The following RUNDC3B variants were observed in gnomAD, a reference collection of about 807,000 sequenced individuals.
RUNDC3B encodes the protein RUN domain-containing protein 3B.
Under a neutral mutation model 58.4 loss-of-function variants are expected in RUNDC3B, and 33 were observed. That is an observed-to-expected ratio of 0.56 (90% confidence interval 0.43 to 0.75). The LOEUF is 0.75. Ranked by LOEUF, RUNDC3B falls within the 30% of genes least tolerant of loss-of-function variation. RUNDC3B has a pLI of 0.00. For missense variants in RUNDC3B, 501 were observed against 535.7 expected, an observed-to-expected ratio of 0.94 and a Z score of 0.64; for synonymous variants, 193 against 195.2, an observed-to-expected ratio of 0.99 and a Z score of 0.10.
Position 87,674,793 on chromosome 7 carries a change from G to A in RUNDC3B, c.238+23856G>A, listed in dbSNP as rs189753133. ...TAGGCTGGAGCCCAAGGAGAGGCTAGCTGACAGGAGGGTGCTTAGATCAGA... is the reference window on the plus strand; with the variant it reads ...TAGGCTGGAGCCCAAGGAGAGGCTAACTGACAGGAGGGTGCTTAGATCAGA... On this transcript the variant is annotated intron_variant, in intron 2 of 10. Coordinates refer to ENST00000394654, the MANE Select transcript of RUNDC3B (RefSeq NM_001134405.2). 1.4e-4 allele frequency among the ~76,000 whole-genome samples: 22 copies of A among 152,256 alleles called. No individual in the cohort carries two copies. In the East Asian group the frequency reaches 3.5e-3, roughly 24 times the overall value.
intron 8 of RUNDC3B, among the ~76,000 whole-genome samples, chr7:87,806,950 A>T (rs1377075364): frequency 2.6e-5 from 4 of 151,900 alleles, no homozygotes; most frequent in Non-Finnish European, 5.9e-5. Context: ...CCTTTACTTG[A>T]ATTAAAATAC....
chr7:87,750,971 T>C (rs1400065380), intron 6 of RUNDC3B, among the ~76,000 whole-genome samples: 2 of 152,224 alleles, frequency 1.3e-5, no homozygotes, highest in African/African-American at 4.8e-5. Context: ...ATATCCTGAA[T>C]GGTAAAGCCT....
chr7:87,733,412 C>A (rs1357779446), intron 4 of RUNDC3B, among the ~76,000 whole-genome samples: 1 of 152,106 alleles, frequency 6.6e-6, no homozygotes, highest in Non-Finnish European at 1.5e-5. Flanking sequence ...TTCAAGGGGT[C>A]TCCCTGCAAG....
At chr7:87,749,066 G>T (rs1200255247) in intron 6 of RUNDC3B, among the ~76,000 whole-genome samples, 1 of 152,162 alleles carries the variant, frequency 6.6e-6, no homozygotes, top group Admixed American at 6.6e-5. Context: ...CTAGTTTAAG[G>T]CAGAGTGGGT....
rs138676045 is a variant in RUNDC3B at position 87,816,224 on chromosome 7, G to A, written c.1187G>A (p.Gly396Glu). The A allele has an allele frequency of 8.7e-6, 14 of 1,611,630 alleles. No individual in the cohort carries two copies. The highest frequency in any genetic ancestry group is 1.2e-5 in the Non-Finnish European group (14 of 1,178,158). ...CTAGATCCAGGCCAGTCACAAGAAG[G>A]AGATGGAAAACAAGACACATTAAAT... Reference protein sequence around the residue: ...TSLDPGQSQEGDGKQDTLNVM... With the variant: ...TSLDPGQSQEEDGKQDTLNVM... The change falls in exon 10 of 11, where the codon GGA (glycine) becomes GAA (glutamate). Residue 396 changes from glycine (G) to glutamate (E), a missense_variant. Physicochemically the swap from Gly to Glu is moderately conservative, Grantham distance 98. Coordinates refer to ENST00000394654, the MANE Select transcript of RUNDC3B (RefSeq NM_001134405.2).
intron 8 of RUNDC3B, among the ~76,000 whole-genome samples, chr7:87,785,100 C>A: frequency 6.6e-6 from 1 of 151,940 alleles, no homozygotes; most frequent in African/African-American, 2.4e-5. Flanking sequence ...TGCCTGCAGC[C>A]CAGGGTTTTT....
intron 4 of RUNDC3B, among the ~76,000 whole-genome samples, chr7:87,723,828 T>C (rs1831048087): frequency 6.6e-6 from 1 of 151,834 alleles, no homozygotes; most frequent in South Asian, 2.1e-4. Flanking sequence ...AATCAGCCAA[T>C]ATTTAAAAAA....
chr7:87,698,148 G>A (rs1721126634), intron 2 of RUNDC3B, among the ~76,000 whole-genome samples: 2 of 152,178 alleles, frequency 1.3e-5, no homozygotes, highest in Non-Finnish European at 2.9e-5. Context: ...CACCCAGGCT[G>A]GAGTGCAGTG....
In RUNDC3B at chr7:87,736,876, TATATATATATA is replaced by T. The variant is rs1433294389; in HGVS notation, c.459-2914_459-2904del. The stretch of plus-strand genomic sequence containing the variant: ...ATACCTATATATATATATATATATA[TATATATATATA>T]TATTTTTTTTTTTTTTTTTTTTTTT... On this transcript the variant is annotated intron_variant, in intron 4 of 10. Coordinates refer to ENST00000394654, the MANE Select transcript of RUNDC3B (RefSeq NM_001134405.2). 1.4e-3 allele frequency among the ~76,000 whole-genome samples: 52 copies of T among 36,902 alleles called. 1 individual carries two copies. The highest frequency in any genetic ancestry group is 6.2e-3 in the African/African-American group (51 of 8,228). The allele number at this position is 36,902 out of a possible 152,430, so 24.2% of individuals were successfully genotyped here. A position where few individuals can be genotyped will look rare whatever the true frequency, so the allele number is the denominator to read the frequency against.
intron 6 of RUNDC3B, among the ~76,000 whole-genome samples, chr7:87,757,146 C>A (rs1370833505): frequency 2.0e-5 from 3 of 152,082 alleles, no homozygotes; most frequent in East Asian, 3.8e-4. Context: ...AAAATCACAA[C>A]CCCCCACGAG....
At chr7:87,690,202 T>G (rs1203237970) in intron 2 of RUNDC3B, among the ~76,000 whole-genome samples, 1 of 152,094 alleles carries the variant, frequency 6.6e-6, no homozygotes, top group Admixed American at 6.5e-5. Context: ...TAAAATATTT[T>G]TATTACTCTT....
intron 1 of RUNDC3B, among the ~76,000 whole-genome samples, chr7:87,648,112 G>A (rs1457837609): frequency 1.3e-5 from 2 of 150,852 alleles, no homozygotes; most frequent in African/African-American, 2.4e-5. Context: ...GTGAACCGGG[G>A]TGGCATAGCT....
chr7:87,675,051 A>T (rs946407373), intron 2 of RUNDC3B, among the ~76,000 whole-genome samples: 1 of 152,132 alleles, frequency 6.6e-6, no homozygotes, highest in Non-Finnish European at 1.5e-5. Flanking sequence ...TGGGGAAATG[A>T]TCTCCTGCTG....
chr7:87,759,146 T>G (rs1833540135), intron 6 of RUNDC3B, among the ~76,000 whole-genome samples: 1 of 152,168 alleles, frequency 6.6e-6, no homozygotes, highest in African/African-American at 2.4e-5. Flanking sequence ...GGAATATTAT[T>G]CAGCCACAAA....
At chr7:87,823,790 A>ACACC (rs1837632828) in intron 10 of RUNDC3B, among the ~76,000 whole-genome samples, 6 of 146,174 alleles carry the variant, frequency 4.1e-5, no homozygotes, top group African/African-American at 1.5e-4. Context: ...TTTCATATAT[A>ACACC]TACACACACA....
Position 87,703,537 on chromosome 7 carries a change from A to T in RUNDC3B, c.372+2983A>T, listed in dbSNP as rs545138095. Among the ~76,000 whole-genome samples the T allele has an allele frequency of 1.1e-4, 16 of 152,292 alleles. No homozygotes were observed. In the South Asian group the frequency reaches 3.3e-3, roughly 32 times the overall value. On this transcript the variant is annotated intron_variant, in intron 3 of 10. Coordinates refer to ENST00000394654, the MANE Select transcript of RUNDC3B (RefSeq NM_001134405.2). ...GCTCCCTCCTGCCAATCTTCAACCA[A>T]GGGGTTGTAGCAACAAGGAACTTCC...
chr7:87,755,017 G>C (rs948266145), intron 6 of RUNDC3B, among the ~76,000 whole-genome samples: 2 of 147,284 alleles, frequency 1.4e-5, no homozygotes, highest in African/African-American at 5.0e-5. Flanking sequence ...AGGAATAGCT[G>C]ATACAATTTC....
intron 4 of RUNDC3B, among the ~76,000 whole-genome samples, chr7:87,729,287 C>T (rs1392323843): frequency 2.0e-5 from 3 of 152,038 alleles, no homozygotes; most frequent in Admixed American, 6.6e-5. Flanking sequence ...GAAGTGCAAT[C>T]GCAGTGTGTG....
chr7:87,796,016 G>A (rs1835799307), intron 8 of RUNDC3B, among the ~76,000 whole-genome samples: 1 of 152,204 alleles, frequency 6.6e-6, no homozygotes, highest in South Asian at 2.1e-4. Flanking sequence ...CCAAGTTTTT[G>A]CATCATAATT....
Sources: allele counts gnomAD v4.1 joint callset (sites outside exome capture counted in the v4.1 genomes callset), GRCh38; gene constraint gnomAD v4.1.1; transcripts MANE v1.5; gene names NCBI Gene and HGNC (gene_info 2026-07-23, HGNC 2026-07-21).